Variants in FREM2 observed in about 807,000 individuals in gnomAD.
The protein encoded by FREM2 is FRAS1 related extracellular matrix 2.
In FREM2, 119 loss-of-function variants were observed where a neutral mutation model predicts 219.9. The observed-to-expected ratio is 0.54, with a 90% confidence interval of 0.47 to 0.63. The LOEUF (loss-of-function observed/expected upper bound fraction) is 0.63, where lower values mean the gene tolerates loss of function less well. Ranked by LOEUF, FREM2 falls within the 30% of genes least tolerant of loss-of-function variation. FREM2 has a pLI of 0.00. For synonymous variants in FREM2, 1,562 were observed against 1,522.8 expected (o/e 1.03, Z -0.60); for missense variants, 4,030 against 3,993.6 (o/e 1.01, Z -0.25).
intron 5 of FREM2, among the ~76,000 whole-genome samples, chr13:38,783,456 A>G (rs1284714008): frequency 7.4e-6 from 1 of 134,968 alleles, no homozygotes; most frequent in African/African-American, 2.8e-5. Context: ...CTGCTCAAGT[A>G]GAAATGGGTT....
intron 6 of FREM2, among the ~76,000 whole-genome samples, chr13:38,788,452 A>G (rs546869167): frequency 6.6e-6 from 1 of 152,270 alleles, no homozygotes; most frequent in South Asian, 2.1e-4. Flanking sequence ...TTCAGAGACC[A>G]CCTTACTGAC....
intron 6 of FREM2, among the ~76,000 whole-genome samples, chr13:38,816,874 G>A (rs532026731): frequency 2.4e-4 from 37 of 152,092 alleles, no homozygotes; most frequent in East Asian, 9.7e-4. Context: ...CAGTAAAGTC[G>A]CAGTATACAA....
At chr13:38,751,693 T>A (rs1422791141) in intron 2 of FREM2, among the ~76,000 whole-genome samples, 2 of 152,208 alleles carry the variant, frequency 1.3e-5, no homozygotes, top group Non-Finnish European at 2.9e-5. Context: ...AGAGTCTACA[T>A]TTCACAGAAA....
chr13:38,802,798 C>CT (rs1340972402), intron 6 of FREM2, among the ~76,000 whole-genome samples: 1 of 152,156 alleles, frequency 6.6e-6, no homozygotes, highest in African/African-American at 2.4e-5. Context: ...AGGCATCTCC[C>CT]TATGACAATC....
intron 6 of FREM2, among the ~76,000 whole-genome samples, chr13:38,827,816 T>C (rs1876352923): frequency 6.6e-6 from 1 of 152,146 alleles, no homozygotes; most frequent in South Asian, 2.1e-4. Context: ...CTATAGACAG[T>C]TGGTAGAGTT....
chr13:38,809,340 T>G (rs1248453685), intron 6 of FREM2, among the ~76,000 whole-genome samples: 1 of 151,666 alleles, frequency 6.6e-6, no homozygotes. Context: ...ACGTAGTAGG[T>G]GTATATATTT....
At chr13:38,822,936 TTTC>T (rs1419228639) in intron 6 of FREM2, among the ~76,000 whole-genome samples, 1 of 152,108 alleles carries the variant, frequency 6.6e-6, no homozygotes, top group Non-Finnish European at 1.5e-5. Flanking sequence ...AAACTCTTTT[TTTC>T]TTCTTCTTTT....
chr13:38,698,585 C>T (rs1160288926), intron 2 of FREM2, among the ~76,000 whole-genome samples: 1 of 152,064 alleles, frequency 6.6e-6, no homozygotes, highest in African/African-American at 2.4e-5. Flanking sequence ...AAAAGAACCT[C>T]CCCTAGTACA....
intron 6 of FREM2, among the ~76,000 whole-genome samples, chr13:38,822,419 G>A (rs946684755): frequency 2.8e-5 from 4 of 142,038 alleles, no homozygotes; most frequent in Admixed American, 7.5e-5. Flanking sequence ...CACACTCCCT[G>A]CCAGAGAAGG....
rs1262204251 is a variant in FREM2 at position 38,886,666 on chromosome 13, G to A, written c.*5879G>A. On this transcript the variant is annotated 3_prime_UTR_variant, in exon 24 of 24. Coordinates refer to ENST00000280481, the MANE Select transcript of FREM2 (RefSeq NM_207361.6). ...TCCCGCCTCCACCTCCCAAAGTACT[G>A]GAATTACAATGGCGTGAGCCACCAC... The A allele has an allele frequency of 6.6e-6, 1 of 152,122 alleles. No homozygotes were observed. Among genetic ancestry groups the A allele is most frequent in the Non-Finnish European group, 1.5e-5 (1 of 68,036 alleles). The allele number at this position is 152,122 out of a possible 1,614,324, so 9.4% of individuals were successfully genotyped here. A position where few individuals can be genotyped will look rare whatever the true frequency, so the allele number is the denominator to read the frequency against.
Position 38,884,884 on chromosome 13 carries a change from G to T in FREM2, c.*4097G>T, listed in dbSNP as rs1403059179. The T allele has an allele frequency of 6.6e-6, 1 of 152,102 alleles. No individual in the cohort carries two copies. The highest frequency in any genetic ancestry group is 1.5e-5 in the Non-Finnish European group (1 of 67,998). 9.4% of individuals were successfully genotyped at this position (152,102 alleles called of 1,614,324 possible). A position where few individuals can be genotyped will look rare whatever the true frequency, so the allele number is the denominator to read the frequency against. ...ACGTTATATGAAGTTTTACAAAAAGGTCAACAGAAAGCTCATTTGTGAAAA... is the reference window on the plus strand; with the variant it reads ...ACGTTATATGAAGTTTTACAAAAAGTTCAACAGAAAGCTCATTTGTGAAAA... On this transcript the variant is annotated 3_prime_UTR_variant, in exon 24 of 24. Transcript: ENST00000280481.
rs1873351216 is a variant in FREM2 at position 38,764,336 on chromosome 13, C to G, written c.5296C>G (p.Leu1766Val). 6.2e-7 allele frequency: 1 copy of G among 1,611,882 alleles called. No homozygotes were observed. Among genetic ancestry groups the G allele is most frequent in the African/African-American group, 1.3e-5 (1 of 74,994 alleles). Residue 1766 changes from leucine (L) to valine (V), a missense_variant, in exon 3 of 24, where the codon CTG (leucine) becomes GTG (valine). Physicochemically the swap from Leu to Val is conservative, Grantham distance 32. Coordinates refer to ENST00000280481, the MANE Select transcript of FREM2 (RefSeq NM_207361.6). Reference protein sequence around the residue: ...GNKLTYQNFRLNWAWISFEKE... With the variant: ...GNKLTYQNFRVNWAWISFEKE... ...CAAGTTAACGTACCAGAATTTTCGT[C>G]TGAATTGGGCATGGATCTCCTTTGA...
intron 3 of FREM2, among the ~76,000 whole-genome samples, chr13:38,766,992 C>G (rs1332108336): frequency 2.0e-5 from 3 of 152,160 alleles, no homozygotes; most frequent in Non-Finnish European, 4.4e-5. Flanking sequence ...AATACCCTAC[C>G]TAGGTCAACT....
At chr13:38,838,375 C>T (rs1027205301) in intron 6 of FREM2, among the ~76,000 whole-genome samples, 1 of 152,174 alleles carries the variant, frequency 6.6e-6, no homozygotes, top group African/African-American at 2.4e-5. Flanking sequence ...CAACTTTTCT[C>T]TCTGGCTGCC....
intron 6 of FREM2, among the ~76,000 whole-genome samples, chr13:38,844,253 A>G (rs918421552): frequency 1.3e-5 from 2 of 152,046 alleles, no homozygotes; most frequent in African/African-American, 2.4e-5. Flanking sequence ...TAACATTGTC[A>G]CATGTGCCAT....
intron 2 of FREM2, among the ~76,000 whole-genome samples, chr13:38,723,183 C>A (rs1268497741): frequency 3.3e-5 from 5 of 151,496 alleles, no homozygotes; most frequent in Middle Eastern, 3.2e-3. Flanking sequence ...TGCAGTGAGC[C>A]GAGATTGGGC....
intron 7 of FREM2, 132 bp downstream of exon 7, chr13:38,846,854 A>T: frequency 1.0e-6 from 1 of 994,630 alleles, no homozygotes; most frequent in Non-Finnish European, 1.6e-6. Flanking sequence ...TGCTGAAATT[A>T]TTACTCTAGG....
At chr13:38,693,634 G>T (rs1250639588) in intron 1 of FREM2, among the ~76,000 whole-genome samples, 1 of 152,206 alleles carries the variant, frequency 6.6e-6, no homozygotes, top group Admixed American at 6.5e-5. Flanking sequence ...TCCTATGTGG[G>T]ATCCATGGGT....
chr13:38,840,406 C>G (rs1876902847), intron 6 of FREM2, among the ~76,000 whole-genome samples: 1 of 148,308 alleles, frequency 6.7e-6, no homozygotes, highest in Non-Finnish European at 1.5e-5. Flanking sequence ...ATTCAGCCAC[C>G]TTGCCGGGAT....
Sources: allele counts gnomAD v4.1 joint callset (sites outside exome capture counted in the v4.1 genomes callset), GRCh38; gene constraint gnomAD v4.1.1; transcripts MANE v1.5; gene names NCBI Gene and HGNC (gene_info 2026-07-23, HGNC 2026-07-21).